The following BRCA2 variants were observed in gnomAD, a reference collection of about 807,000 sequenced individuals.
BRCA2 encodes the protein BRCA2 DNA repair associated, also known as breast cancer type 2 susceptibility protein.
A neutral mutation model predicts 276.7 loss-of-function variants in BRCA2; 203 were observed. That is an observed-to-expected ratio of 0.73 (90% CI 0.65 to 0.82). The LOEUF (loss-of-function observed/expected upper bound fraction) is 0.82. Ranked by LOEUF, BRCA2 falls within the 40% of genes least tolerant of loss-of-function variation. The pLI, the probability that BRCA2 is intolerant of heterozygous loss-of-function variation, is 0.00. For synonymous variants in BRCA2, 1,289 were observed against 1,338.4 expected (o/e 0.96, Z 0.81); for missense variants, 3,920 against 3,915.0 (o/e 1.00, Z -0.03).
Position 32,339,550 on chromosome 13 carries a change from T to C in BRCA2, c.5195T>C (p.Leu1732Pro), listed in dbSNP as rs786202208. Residue 1732 changes from leucine (L) to proline (P), a missense_variant, in exon 11 of 27, where the codon CTC becomes CCC. Leu to Pro is a moderately conservative substitution (Grantham distance 98). Around this residue, in one of 2 missense-constraint regions of BRCA2, gnomAD observed 3,263 missense variants for 3,156.9 expected, o/e 1.03. Transcript: ENST00000380152. Reference protein sequence around the residue: ...STIAENDKNHLSEKQDTYLSN... With the variant: ...STIAENDKNHPSEKQDTYLSN... The stretch of plus-strand genomic sequence containing the variant: ...ATAGCTGAAAATGACAAAAATCATC[T>C]CTCCGAAAAACAAGATACTTATTTA... 3.1e-6 allele frequency: 5 copies of C among 1,605,666 alleles called. No individual in the cohort carries two copies. In the South Asian group the frequency reaches 3.4e-5, roughly 11 times the overall value.
intron 1 of BRCA2, 59 bp from the exon 2 acceptor site, chr13:32,316,363 C>G (rs1165047097): frequency 2.8e-6 from 3 of 1,072,428 alleles, no homozygotes; most frequent in Non-Finnish European, 4.3e-6. Context: ...AGTTTTACCT[C>G]AGTCACATAA....
rs1593909119 is a variant in BRCA2 at position 32,340,916 on chromosome 13, T to C, written c.6561T>C (p.Pro2187=). Residue 2187 remains proline, a synonymous_variant, in exon 11 of 27, where the codon CCT becomes CCC. Coordinates refer to ENST00000380152, the MANE Select transcript of BRCA2 (RefSeq NM_000059.4). ...TTTTGGGAAAAGAACAGGCTTCACC[T>C]AAAAACGTAAAAATGGAAATTGGTA... ...IHVLGKEQAS[P]KNVKMEIGKT... The C allele has an allele frequency of 1.2e-6, 2 of 1,609,884 alleles. No homozygotes were observed.
At chr13:32,366,209 C>G (rs2072780880) in intron 18 of BRCA2, among the ~76,000 whole-genome samples, 1 of 152,166 alleles carries the variant, frequency 6.6e-6, no homozygotes, top group East Asian at 1.9e-4. Context: ...GTTTTATGTC[C>G]CTAGTGGTAT....
chr13:32,356,463 C>T lies in BRCA2; in HGVS notation c.7471C>T (p.Gln2491Ter), dbSNP rs80358971. Residue 2491 changes from glutamine to a stop codon, truncating the protein, a stop_gained, in exon 15 of 27, where the codon CAG becomes TAG. Coordinates refer to ENST00000380152, the MANE Select transcript of BRCA2 (RefSeq NM_000059.4). LOFTEE classifies it high-confidence loss of function. ...ITSLQNARDIQDMRIKKKQRQ... is the reference protein window; with the variant it reads ...ITSLQNARDI ...AAGTCTTCAGAATGCCAGAGATATA[C>T]AGGATATGCGAATTAAGAAGAAACA... 2 of 1,614,010 alleles carry T rather than the reference C, an allele frequency of 1.2e-6. No homozygotes were observed. Among genetic ancestry groups the T allele is most frequent in the South Asian group, 1.1e-5 (1 of 91,084 alleles).
At position 32,398,599 on chromosome 13, in the gene BRCA2, T is replaced by C. The variant is rs2137666438; in HGVS notation, c.10086T>C (p.Phe3362=). The change falls in exon 27 of 27, where the codon TTT becomes TTC. Residue 3362 remains phenylalanine, a synonymous_variant. Transcript: ENST00000380152. ...CTGGTTCAACAGGAGAAAAACAATT[T>C]ATATCTGTCAGTGAATCCACTAGGA... ...LLSGSTGEKQ[F]ISVSESTRTA... The C allele has an allele frequency of 6.2e-7, 1 of 1,614,006 alleles. No individual in the cohort carries two copies. Among genetic ancestry groups the C allele is most frequent in the Non-Finnish European group, 8.5e-7 (1 of 1,179,848 alleles).
chr13:32,398,675 A>G lies in BRCA2; in HGVS notation c.10162A>G (p.Thr3388Ala), dbSNP rs431825278. 1 of 1,614,216 alleles carries G rather than the reference A, an allele frequency of 6.2e-7. No individual in the cohort carries two copies. Reference sequence around the variant, plus strand: ...TCTCAGACTGAAACGACGTTGTACTACATCTCTGATCAAAGAACAGGAGAG... The same window carrying G: ...TCTCAGACTGAAACGACGTTGTACTGCATCTCTGATCAAAGAACAGGAGAG... ...DYLRLKRRCT[T>A]SLIKEQESSQ... is the part of the protein sequence containing the mutation. Residue 3388 changes from threonine (T) to alanine (A), a missense_variant, in exon 27 of 27, where the codon ACA becomes GCA. Transcript: ENST00000380152.
Position 32,329,806 on chromosome 13 carries a change from T to TTATA in BRCA2, c.681+323_681+326dup, listed in dbSNP as rs397843916. ...TATATATATTAAAAATGTGTAGTAT[T>TTATA]TATATATATATACCTATAATCTTTT... On this transcript the variant is annotated intron_variant, in intron 8 of 26. Transcript: ENST00000380152. Among the ~76,000 whole-genome samples the TTATA allele has an allele frequency of 2.6e-5, 4 of 151,454 alleles. No individual in the cohort carries two copies. The East Asian group carries it at 5.8e-4, about 22-fold the overall frequency.
Position 32,336,847 on chromosome 13 carries a change from T to C in BRCA2, c.2492T>C (p.Val831Ala), listed in dbSNP as rs779520270. ...GCTTTAAATGAAAATTATAAAAACG[T>C]TGAGCTGTTGCCACCTGAAAAATAC... ...VCALNENYKN[V>A]ELLPPEKYMR... is the part of the protein sequence containing the mutation. Residue 831 changes from valine (V) to alanine (A), a missense_variant, in exon 11 of 27, where the codon GTT (valine) becomes GCT (alanine). Coordinates refer to ENST00000380152, the MANE Select transcript of BRCA2 (RefSeq NM_000059.4). The C allele has an allele frequency of 5.0e-6, 8 of 1,605,570 alleles. No individual in the cohort carries two copies. The highest frequency in any genetic ancestry group is 6.8e-6 in the Non-Finnish European group (8 of 1,177,942).
intron 18 of BRCA2, among the ~76,000 whole-genome samples, chr13:32,367,542 G>A (rs1009438606): frequency 4.0e-5 from 6 of 150,242 alleles, no homozygotes; most frequent in African/African-American, 7.4e-5. Flanking sequence ...AGTGTCTCAC[G>A]CGTGTAATTG....
intron 5 of BRCA2, 32 bp downstream of exon 5, chr13:32,326,182 G>C (rs781168884): frequency 1.2e-6 from 2 of 1,607,232 alleles, no homozygotes; most frequent in East Asian, 2.2e-5. Context: ...TTTATTCTTA[G>C]AATACTAGAA....
intron 24 of BRCA2, among the ~76,000 whole-genome samples, chr13:32,391,039 T>C (rs2072993401): frequency 1.3e-5 from 2 of 152,234 alleles, no homozygotes; most frequent in Admixed American, 6.5e-5. Context: ...TTCTTTCTTA[T>C]ACTTCATGCT....
intron 24 of BRCA2, among the ~76,000 whole-genome samples, chr13:32,382,575 G>A (rs1292056908): frequency 1.3e-5 from 2 of 152,178 alleles, no homozygotes; most frequent in African/African-American, 4.8e-5. Context: ...TAACACCGTG[G>A]AGGAGCACTT....
At chr13:32,358,045 A>C in intron 16 of BRCA2, 116 bp downstream of exon 16, 3 of 1,138,624 alleles carry the variant, frequency 2.6e-6, no homozygotes, top group Non-Finnish European at 3.9e-6. Context: ...TTATGCATTT[A>C]ATTGTTTTAA....
rs886050115 is a variant in BRCA2 at position 32,399,169 on chromosome 13, T to C, written c.*399T>C. 11 of 236,100 alleles carry C rather than the reference T, an allele frequency of 4.7e-5. No individual in the cohort carries two copies. The East Asian group carries it at 7.5e-4, about 16-fold the overall frequency. The allele number at this position is 236,100 out of a possible 1,614,324, so 14.6% of individuals were successfully genotyped here. A position where few individuals can be genotyped will look rare whatever the true frequency, so the allele number is the denominator to read the frequency against. Reference sequence around the variant, plus strand: ...AAAAAAAAAGGGGAAAAGAAAATCTTTTAAATCTTTGGATTTGATCACTAC... The same window carrying C: ...AAAAAAAAAGGGGAAAAGAAAATCTCTTAAATCTTTGGATTTGATCACTAC... On this transcript the variant is annotated 3_prime_UTR_variant, in exon 27 of 27. Coordinates refer to ENST00000380152, the MANE Select transcript of BRCA2 (RefSeq NM_000059.4).
At chr13:32,316,564 C>T (rs367697028) in intron 2 of BRCA2, 37 bp downstream of exon 2, 3 of 1,561,954 alleles carry the variant, frequency 1.9e-6, no homozygotes, top group East Asian at 2.3e-5. Flanking sequence ...TAAATTACAC[C>T]GAGAAAGTGT....
At chr13:32,320,749 A>G (rs1332356784) in intron 3 of BRCA2, among the ~76,000 whole-genome samples, 1 of 152,240 alleles carries the variant, frequency 6.6e-6, no homozygotes, top group Admixed American at 6.5e-5. Flanking sequence ...ACCAAATGGT[A>G]TACATAGGAT....
Position 32,355,086 on chromosome 13 carries a change from A to C in BRCA2, c.7233A>C (p.Lys2411Asn). ...RPTKVFVPPF[K>N]TKSHFHRVEQ... is the part of the protein sequence containing the mutation. ...CCAAAGTCTTTGTTCCACCTTTTAA[A>C]ACTAAATCACATTTTCACAGAGTTG... is the stretch of plus-strand genomic sequence containing the variant. Residue 2411 changes from lysine (K) to asparagine (N), a missense_variant, in exon 14 of 27, where the codon AAA (lysine) becomes AAC (asparagine). Transcript: ENST00000380152. 1 of 1,613,994 alleles carries C rather than the reference A, an allele frequency of 6.2e-7. No individual in the cohort carries two copies. The highest frequency in any genetic ancestry group is 8.5e-7 in the Non-Finnish European group (1 of 1,179,896).
rs2137502029 is a variant in BRCA2 at position 32,338,364 on chromosome 13, G to T, written c.4009G>T (p.Asp1337Tyr). 2 of 1,586,932 alleles carry T rather than the reference G, an allele frequency of 1.3e-6. No individual in the cohort carries two copies. Among genetic ancestry groups the T allele is most frequent in the South Asian group, 2.3e-5 (2 of 85,442 alleles). The change falls in exon 11 of 27, where the codon GAT becomes TAT. Residue 1337 changes from aspartate to tyrosine, a missense_variant. Transcript: ENST00000380152. ...ASRNSHNLEF[D>Y]GSDSSKNDTV... ...TAGAAATTCTCATAACTTAGAATTT[G>T]ATGGCAGTGATTCAAGTAAAAATGA...
intron 2 of BRCA2, among the ~76,000 whole-genome samples, chr13:32,317,521 A>C (rs1363672608): frequency 6.6e-6 from 1 of 152,244 alleles, no homozygotes; most frequent in Non-Finnish European, 1.5e-5. Context: ...GATTTTTCAA[A>C]GATCTAATAG....
Sources: allele counts gnomAD v4.1 joint callset (sites outside exome capture counted in the v4.1 genomes callset), GRCh38; gene constraint gnomAD v4.1.1; regional missense constraint gnomAD v4.1.1; transcripts MANE v1.5; gene names NCBI Gene and HGNC (gene_info 2026-07-23, HGNC 2026-07-21).